The following MRTFB variants were observed in gnomAD, a reference collection of about 807,000 sequenced individuals.
MRTFB encodes myocardin related transcription factor B.
In MRTFB, 29 loss-of-function variants were observed where a neutral mutation model predicts 104.2. That is an observed-to-expected ratio of 0.28 (90% confidence interval 0.21 to 0.38). The LOEUF (loss-of-function observed/expected upper bound fraction) is 0.38. Among genes scored for constraint, MRTFB ranks in the 10% least tolerant of loss-of-function variants. MRTFB has a pLI of 1.00. For synonymous variants in MRTFB, 535 were observed against 519.5 expected (o/e 1.03, Z -0.41); for missense variants, 1,270 against 1,341.6 (o/e 0.95, Z 0.83).
the MRTFB span, among the ~76,000 whole-genome samples, chr16:14,063,982 A>T: frequency 1.9e-4 from 29 of 152,208 alleles, no homozygotes; most frequent in South Asian, 4.1e-4. Context: ...ATTCCTTTGG[A>T]TACATACCCA....
At chr16:14,225,927 T>C (rs890894791) in intron 8 of MRTFB, among the ~76,000 whole-genome samples, 1 of 152,208 alleles carries the variant, frequency 6.6e-6, no homozygotes, top group Non-Finnish European at 1.5e-5. Flanking sequence ...ATAGGCATTG[T>C]GTAAAGACCT....
At chr16:14,050,930 A>C in the MRTFB span, among the ~76,000 whole-genome samples, 1 of 151,702 alleles carries the variant, frequency 6.6e-6, no homozygotes, top group Non-Finnish European at 1.5e-5. Context: ...GGCACCTTAC[A>C]CTCTCACTGT....
intron 2 of MRTFB, among the ~76,000 whole-genome samples, chr16:14,079,831 C>T (rs1397709025): frequency 6.6e-6 from 1 of 151,770 alleles, no homozygotes; most frequent in Non-Finnish European, 1.5e-5. Context: ...CCAACTTCTA[C>T]CACCAAGAAA....
At chr16:14,218,400 C>T (rs1441100009) in intron 7 of MRTFB, among the ~76,000 whole-genome samples, 1 of 152,102 alleles carries the variant, frequency 6.6e-6, no homozygotes, top group African/African-American at 2.4e-5. Context: ...TGTCAGGATC[C>T]AAACAAGGTC....
chr16:14,073,130 A>G (rs1287734504), intron 1 of MRTFB, among the ~76,000 whole-genome samples: 2 of 152,188 alleles, frequency 1.3e-5, no homozygotes, highest in African/African-American at 2.4e-5. Flanking sequence ...TTTCTCCTAC[A>G]TTACTGGAGT....
chr16:14,048,876 C>T, the MRTFB span, among the ~76,000 whole-genome samples: 5 of 152,178 alleles, frequency 3.3e-5, no homozygotes, highest in African/African-American at 1.2e-4. Flanking sequence ...CTATGCAGAG[C>T]CAGGCATGTG....
At chr16:14,062,809 G>A in the MRTFB span, among the ~76,000 whole-genome samples, 1 of 152,068 alleles carries the variant, frequency 6.6e-6, no homozygotes, top group African/African-American at 2.4e-5. Flanking sequence ...CTGCTCCTGC[G>A]CCATGAAACA....
At chr16:14,015,321 G>A in the MRTFB span, among the ~76,000 whole-genome samples, 1 of 152,188 alleles carries the variant, frequency 6.6e-6, no homozygotes. Flanking sequence ...AGGCAATTCA[G>A]CAAAGAGAAC....
chr16:14,159,997 A>G (rs2038974306), intron 3 of MRTFB, among the ~76,000 whole-genome samples: 1 of 151,800 alleles, frequency 6.6e-6, no homozygotes, highest in African/African-American at 2.4e-5. Flanking sequence ...ATATGTCAGT[A>G]TGCATCTTTA....
At chr16:14,067,858 G>A (rs149907633), upstream of MRTFB, among the ~76,000 whole-genome samples, 286 of 152,200 alleles carry the variant, frequency 1.9e-3, no homozygotes, top group African/African-American at 6.3e-3. Context: ...TTGAGACAGA[G>A]TCTTGCTCTG....
At chr16:14,080,162 CTTCTT>C (rs2034310474) in intron 2 of MRTFB, among the ~76,000 whole-genome samples, 1 of 152,074 alleles carries the variant, frequency 6.6e-6, no homozygotes, top group Admixed American at 6.5e-5. Context: ...GTTCATTTCT[CTTCTT>C]AGATGTGTAA....
Position 14,245,318 on chromosome 16 carries a change from G to A in MRTFB, c.1080-210G>A, listed in dbSNP as rs1256048647. Reference sequence around the variant, plus strand: ...GCATTTCCATATAAAGCTTAGAATCGCCTTCTAAATTTCCGTCACGCTAGC... The same window carrying A: ...GCATTTCCATATAAAGCTTAGAATCACCTTCTAAATTTCCGTCACGCTAGC... On this transcript the variant is annotated intron_variant, in intron 10 of 16. Transcript: ENST00000571589. 3.3e-5 allele frequency among the ~76,000 whole-genome samples: 5 copies of A among 152,112 alleles called. No homozygotes were observed. The South Asian group carries it at 8.3e-4, about 25-fold the overall frequency.
At chr16:14,239,692 A>T (rs749905410) in intron 9 of MRTFB, among the ~76,000 whole-genome samples, 1 of 152,226 alleles carries the variant, frequency 6.6e-6, no homozygotes, top group Non-Finnish European at 1.5e-5. Context: ...CCAGTTTCAA[A>T]GGAAAAATGT....
intron 3 of MRTFB, among the ~76,000 whole-genome samples, chr16:14,155,300 G>T (rs2038787930): frequency 6.6e-6 from 1 of 151,098 alleles, no homozygotes; most frequent in Non-Finnish European, 1.5e-5. Context: ...TTTACCTTTA[G>T]AAGTTTTATT....
At position 14,136,351 on chromosome 16, in the gene MRTFB, T is replaced by A. The variant is rs139030110; in HGVS notation, c.-63-4193T>A. Among the ~76,000 whole-genome samples the A allele has an allele frequency of 3.0e-4, 45 of 152,288 alleles. No homozygotes were observed. The East Asian group carries it at 8.3e-3, about 28-fold the overall frequency. On this transcript the variant is annotated intron_variant, in intron 2 of 16. Coordinates refer to ENST00000571589, the MANE Select transcript of MRTFB (RefSeq NM_001308142.2). ...TACTTATGTTCTACTACTTTTCACA[T>A]GTGTATTAATAATTGCCTTTGACCT...
At chr16:14,138,102 T>C (rs1404951537) in intron 2 of MRTFB, among the ~76,000 whole-genome samples, 1 of 152,164 alleles carries the variant, frequency 6.6e-6, no homozygotes, top group Non-Finnish European at 1.5e-5. Flanking sequence ...TACACTGTTT[T>C]CTTATGATGT....
At chr16:14,046,524 AT>A in the MRTFB span, among the ~76,000 whole-genome samples, 1 of 152,018 alleles carries the variant, frequency 6.6e-6, no homozygotes, top group Non-Finnish European at 1.5e-5. Context: ...AAAACCTCAT[AT>A]TGGGTTTCAT....
intron 10 of MRTFB, among the ~76,000 whole-genome samples, chr16:14,242,770 G>C (rs2042830404): frequency 6.6e-6 from 1 of 151,982 alleles, no homozygotes; most frequent in Admixed American, 6.5e-5. Flanking sequence ...ATTGATTTGG[G>C]AGAAAAATAG....
intron 3 of MRTFB, among the ~76,000 whole-genome samples, chr16:14,196,437 T>G (rs1217437897): frequency 1.3e-5 from 2 of 152,204 alleles, no homozygotes; most frequent in African/African-American, 2.4e-5. Context: ...GGATGGTGGT[T>G]TAGAATTCCG....
Sources: allele counts gnomAD v4.1 joint callset (sites outside exome capture counted in the v4.1 genomes callset), GRCh38; gene constraint gnomAD v4.1.1; transcripts MANE v1.5; gene names NCBI Gene and HGNC (gene_info 2026-07-23, HGNC 2026-07-21).